Variants in PRIMA1 observed in about 807,000 individuals in gnomAD.
The protein encoded by PRIMA1 is proline-rich membrane anchor 1.
A neutral mutation model predicts 17.5 loss-of-function variants in PRIMA1; 7 were observed. The observed-to-expected ratio is 0.40, with a 90% CI of 0.23 to 0.75. PRIMA1 has a LOEUF of 0.75. Ranked by LOEUF, PRIMA1 falls within the 30% of genes least tolerant of loss-of-function variation. PRIMA1 has a pLI of 0.37. For missense variants in PRIMA1, 200 were observed against 201.8 expected, an observed-to-expected ratio of 0.99 and a Z score of 0.05; for synonymous variants, 97 against 77.9, an observed-to-expected ratio of 1.25 and a Z score of -1.29.
rs550506919 is a variant in PRIMA1, at chr14:93,764,358, G to T, written c.229+14818C>A. On this transcript the variant is annotated intron_variant, in intron 3 of 4. Coordinates refer to ENST00000393140, the MANE Select transcript of PRIMA1 (RefSeq NM_178013.4). ...GCACCTCCTCCAGGACACCTGCCCTGGTCGGACACCTCTCCTCTCAGCCAG... is the reference window on the plus strand; with the variant it reads ...GCACCTCCTCCAGGACACCTGCCCTTGTCGGACACCTCTCCTCTCAGCCAG... Among the ~76,000 whole-genome samples the T allele has an allele frequency of 5.9e-4, 83 of 141,436 alleles. 1 individual carries two copies. In the South Asian group the frequency reaches 0.018, roughly 31 times the overall value. The allele number at this position is 141,436 out of a possible 152,430, so 92.8% of individuals were successfully genotyped here.
At chr14:93,772,960 G>A (rs1486016574) in intron 3 of PRIMA1, among the ~76,000 whole-genome samples, 1 of 152,156 alleles carries the variant, frequency 6.6e-6, no homozygotes, top group East Asian at 1.9e-4. Flanking sequence ...TGGGTTCCAG[G>A]CTCTGTGCTG....
chr14:93,745,677 C>T (rs1159934120), intron 3 of PRIMA1, among the ~76,000 whole-genome samples: 5 of 152,266 alleles, frequency 3.3e-5, no homozygotes, highest in Admixed American at 2.6e-4. Flanking sequence ...CACCTTCTTC[C>T]TGACTCCAGC....
rs2076021091 is a variant in PRIMA1, at chr14:93,719,124, T to C, written c.*2320A>G. The C allele has an allele frequency of 6.6e-6, 1 of 152,154 alleles. No homozygotes were observed. The highest frequency in any genetic ancestry group is 1.9e-4 in the East Asian group (1 of 5,194). 9.4% of individuals were successfully genotyped at this position (152,154 alleles called of 1,614,324 possible). On this transcript the variant is annotated 3_prime_UTR_variant, in exon 5 of 5. Transcript: ENST00000393140. ...ACTAGGCTCTTCCCTTGATTTTTGC[T>C]AACTGGGGTGAGAAGGGATTTTACA...
intron 3 of PRIMA1, among the ~76,000 whole-genome samples, chr14:93,758,847 C>T (rs531755601): frequency 1.6e-4 from 25 of 152,200 alleles, no homozygotes; most frequent in African/African-American, 5.8e-4. Flanking sequence ...CCACTGTCTA[C>T]CCTCCAGAGG....
At chr14:93,787,538 G>T (rs1885557589) in intron 2 of PRIMA1, 88 bp downstream of exon 2, 1 of 1,256,432 alleles carries the variant, frequency 8.0e-7, no homozygotes, top group East Asian at 2.5e-5. Flanking sequence ...TGGGGTGGCT[G>T]CAAGAGGCCA....
chr14:93,767,047 A>T (rs1248583901), intron 3 of PRIMA1, among the ~76,000 whole-genome samples: 2 of 152,246 alleles, frequency 1.3e-5, no homozygotes, highest in African/African-American at 4.8e-5. Context: ...GACTTGAACC[A>T]ACCTCACGTC....
rs375558476 is a variant in PRIMA1 at position 93,747,571 on chromosome 14, A to T, written c.230-10201T>A. On this transcript the variant is annotated intron_variant, in intron 3 of 4. Coordinates refer to ENST00000393140, the MANE Select transcript of PRIMA1 (RefSeq NM_178013.4). ...GTGTGTGAGAGTGTGAGTGTGGGGG[A>T]GTGTGTGAGTGCATGGGAGTATTGT... Among the ~76,000 whole-genome samples, 3 of 148,430 alleles carry T rather than the reference A, an allele frequency of 2.0e-5. No individual in the cohort carries two copies. In the South Asian group the frequency reaches 6.5e-4, roughly 32 times the overall value.
chr14:93,773,286 A>G (rs1885119714), intron 3 of PRIMA1, among the ~76,000 whole-genome samples: 2 of 152,236 alleles, frequency 1.3e-5, no homozygotes. Context: ...AGGTTGTGAC[A>G]TGGCCAGAGT....
At chr14:93,781,566 C>T (rs1181678020) in intron 2 of PRIMA1, among the ~76,000 whole-genome samples, 2 of 152,180 alleles carry the variant, frequency 1.3e-5, no homozygotes, top group Non-Finnish European at 2.9e-5. Flanking sequence ...GACACAATGA[C>T]CTATTTTTGT....
At chr14:93,777,088 G>T (rs751489580) in intron 3 of PRIMA1, among the ~76,000 whole-genome samples, 20 of 152,178 alleles carry the variant, frequency 1.3e-4, no homozygotes, top group Non-Finnish European at 2.8e-4. Flanking sequence ...ATAAGAGATG[G>T]TACTTGGATA....
chr14:93,778,690 C>T (rs1259154894), intron 3 of PRIMA1, among the ~76,000 whole-genome samples: 2 of 152,194 alleles, frequency 1.3e-5, no homozygotes, highest in Non-Finnish European at 2.9e-5. Flanking sequence ...GAGATGAAAT[C>T]GTCCAAGGCA....
chr14:93,756,186 G>T (rs1211990315), intron 3 of PRIMA1, among the ~76,000 whole-genome samples: 1 of 152,158 alleles, frequency 6.6e-6, no homozygotes, highest in Non-Finnish European at 1.5e-5. Context: ...TTCCAGGTGT[G>T]AGCCACCTTG....
intron 4 of PRIMA1, among the ~76,000 whole-genome samples, chr14:93,727,320 T>C (rs747918217): frequency 2.0e-5 from 3 of 152,194 alleles, no homozygotes; most frequent in Admixed American, 2.0e-4. Context: ...TGACTCTCTC[T>C]CCCCTTGAGC....
At chr14:93,743,632 C>T (rs2076197623) in intron 3 of PRIMA1, among the ~76,000 whole-genome samples, 1 of 152,250 alleles carries the variant, frequency 6.6e-6, no homozygotes, top group Non-Finnish European at 1.5e-5. Context: ...TAAGTTCAGC[C>T]TTTGCTGTGG....
intron 3 of PRIMA1, among the ~76,000 whole-genome samples, chr14:93,744,183 A>G (rs1276130950): frequency 1.3e-5 from 2 of 152,160 alleles, no homozygotes; most frequent in Non-Finnish European, 2.9e-5. Flanking sequence ...CCCCCAAAGC[A>G]CCACAAAGGA....
Position 93,726,453 on chromosome 14 carries a change from T to C in PRIMA1, c.360-4907A>G, listed in dbSNP as rs1355344213. 6.6e-6 allele frequency among the ~76,000 whole-genome samples: 1 copy of C among 151,708 alleles called. No individual in the cohort carries two copies. Among genetic ancestry groups the C allele is most frequent in the Admixed American group, 6.6e-5 (1 of 15,224 alleles). On this transcript the variant is annotated intron_variant, in intron 4 of 4. Transcript: ENST00000393140. This position sits in a 1 kb window ranked among gnomAD's most constrained non-coding sequence, Gnocchi z 4.2. ...GACTCACCTCTTATGAAGGTATTCATCCCCCGACTGCCCACCCCGACACCC... is the reference window on the plus strand; with the variant it reads ...GACTCACCTCTTATGAAGGTATTCACCCCCCGACTGCCCACCCCGACACCC...
intron 3 of PRIMA1, among the ~76,000 whole-genome samples, chr14:93,743,711 A>C (rs981286988): frequency 6.6e-6 from 1 of 152,184 alleles, no homozygotes. Flanking sequence ...GGGCCTGGTG[A>C]CTCGGCCATG....
chr14:93,733,903 G>T (rs981210516), intron 4 of PRIMA1, among the ~76,000 whole-genome samples: 1 of 152,168 alleles, frequency 6.6e-6, no homozygotes, highest in Non-Finnish European at 1.5e-5. Flanking sequence ...CGCCTGGGGG[G>T]GCAGTGGGGA....
At chr14:93,752,186 A>G (rs192612166) in intron 3 of PRIMA1, among the ~76,000 whole-genome samples, 1 of 152,290 alleles carries the variant, frequency 6.6e-6, no homozygotes, top group East Asian at 1.9e-4. Context: ...CATTTTCCTT[A>G]GATTCTTTTA....
Sources: gnomAD v4.1 joint callset for allele counts (sites outside exome capture counted in the v4.1 genomes callset) on GRCh38, gnomAD v4.1.1 for gene constraint, Gnocchi (gnomAD v3.1) non-coding constraint, MANE v1.5 for transcripts, NCBI Gene and HGNC (gene_info 2026-07-23, HGNC 2026-07-21) for gene names.